Variants in SLC38A2 observed in about 807,000 individuals in gnomAD.
SLC38A2 encodes the protein solute carrier family 38 member 2.
In SLC38A2, 11 loss-of-function variants were observed where a neutral mutation model predicts 61.5. The observed-to-expected ratio is 0.18, with a 90% CI of 0.11 to 0.30. SLC38A2 has a LOEUF of 0.30. Among genes scored for constraint, SLC38A2 ranks in the 10% least tolerant of loss-of-function variants. The pLI, the probability that SLC38A2 is intolerant of heterozygous loss-of-function variation, is 1.00. For missense variants in SLC38A2, 522 were observed against 600.4 expected (o/e 0.87, Z 1.36); for synonymous variants, 217 against 212.5 (o/e 1.02, Z -0.18).
intron 8 of SLC38A2, 89 bp from the exon 9 acceptor site, chr12:46,364,791 C>A: frequency 7.6e-7 from 1 of 1,317,492 alleles, no homozygotes; most frequent in South Asian, 1.3e-5. Flanking sequence ...CTCAATTCTG[C>A]TGGGAAGACT....
Position 46,370,564 on chromosome 12 carries a change from C to T in SLC38A2, c.262G>A (p.Gly88Arg). The T allele has an allele frequency of 6.2e-7, 1 of 1,614,136 alleles. No homozygotes were observed. The highest frequency in any genetic ancestry group is 8.5e-7 in the Non-Finnish European group (1 of 1,180,012). ...FNLSNAIVGS[G>R]ILGLSYAMAN... ...ATGGCATAAGAAAGCCCAAGGATTC[C>T]ACTGCCCACAATCGCATTGCTCAGA... is the stretch of plus-strand genomic sequence containing the variant. Residue 88 changes from glycine (G) to arginine (R), a missense_variant, in exon 4 of 16, where the codon GGA becomes AGA. This residue lies in a region of SLC38A2 where 111 missense variants were observed against 173.4 expected (regional missense o/e 0.64). Transcript: ENST00000256689.
rs529819608 is a variant in SLC38A2 at position 46,370,191 on chromosome 12, T to A, written c.314+321A>T. On this transcript the variant is annotated intron_variant, in intron 4 of 15. Transcript: ENST00000256689. Reference sequence around the variant, plus strand: ...TTCTGATTTGCCAAAACAAAATTTATACCTACCCTGGCTTTAGCCATAGTT... The same window carrying A: ...TTCTGATTTGCCAAAACAAAATTTAAACCTACCCTGGCTTTAGCCATAGTT... Among the ~76,000 whole-genome samples, 750 of 152,354 alleles carry A rather than the reference T, an allele frequency of 4.9e-3. 9 individuals are homozygous for A. The highest frequency in any genetic ancestry group is 0.017 in the African/African-American group (721 of 41,566).
chr12:46,371,631 A>G, intron 1 of SLC38A2: 1 of 287,520 alleles, frequency 3.5e-6, no homozygotes, highest in Non-Finnish European at 6.5e-6. Flanking sequence ...TCAGTATTTC[A>G]CCCTCTCTAT....
rs879887887 is a variant in SLC38A2, at chr12:46,362,352, T to A, written c.1354A>T (p.Ile452Phe). The stretch of plus-strand genomic sequence containing the variant: ...TTGATATAGAAGGCAGAAGGAAGAA[T>A]AAAAATCAACATAGAAGCTGCAGAT... ...GASAASMLIF[I>F]LPSAFYIKLV... Residue 452 changes from isoleucine (I) to phenylalanine (F), a missense_variant, in exon 15 of 16, where the codon ATT becomes TTT. Around this residue, in one of 3 missense-constraint regions of SLC38A2, gnomAD observed 309 missense variants for 343.9 expected, o/e 0.90. Coordinates refer to ENST00000256689, the MANE Select transcript of SLC38A2 (RefSeq NM_018976.5). 6.2e-7 allele frequency: 1 copy of A among 1,612,130 alleles called. No homozygotes were observed. Among genetic ancestry groups the A allele is most frequent in the Non-Finnish European group, 8.5e-7 (1 of 1,179,080 alleles).
In SLC38A2 at chr12:46,358,796, T is replaced by C. The variant is rs944802078; in HGVS notation, c.*2315A>G. On this transcript the variant is annotated 3_prime_UTR_variant, in exon 16 of 16. Transcript: ENST00000256689. ...GCTTTAATGGATTAATGTTGTTCTA[T>C]AAATAACATTACAGTTGTAACTGAA... The C allele has an allele frequency of 2.0e-5, 3 of 152,612 alleles. No individual in the cohort carries two copies. The highest frequency in any genetic ancestry group is 4.8e-5 in the African/African-American group (2 of 41,454). 9.5% of individuals were successfully genotyped at this position (152,612 alleles called of 1,614,324 possible).
chr12:46,363,676 G>A (rs1477185078), intron 12 of SLC38A2, 50 bp downstream of exon 12: 1 of 1,203,044 alleles, frequency 8.3e-7, no homozygotes, highest in African/African-American at 1.5e-5. Context: ...ATTTCAATAA[G>A]CGTTTTTTTT....
Position 46,359,085 on chromosome 12 carries a change from C to G in SLC38A2, c.*2026G>C, listed in dbSNP as rs1366326900. On this transcript the variant is annotated 3_prime_UTR_variant, in exon 16 of 16. Coordinates refer to ENST00000256689, the MANE Select transcript of SLC38A2 (RefSeq NM_018976.5). Reference sequence around the variant, plus strand: ...TCCTGGTTGCCACAGTATCTTCTCCCATACAAAAAAAAAAAAAAAAGTCTG... The same window carrying G: ...TCCTGGTTGCCACAGTATCTTCTCCGATACAAAAAAAAAAAAAAAAGTCTG... 1 of 84,986 alleles carries G rather than the reference C, an allele frequency of 1.2e-5. No individual in the cohort carries two copies. The highest frequency in any genetic ancestry group is 2.1e-5 in the Non-Finnish European group (1 of 47,372). The allele number at this position is 84,986 out of a possible 1,614,324, so 5.3% of individuals were successfully genotyped here.
rs974878288 is a variant in SLC38A2 at position 46,359,148 on chromosome 12, T to C, written c.*1963A>G. The C allele has an allele frequency of 6.6e-6, 1 of 151,926 alleles. No individual in the cohort carries two copies. Among genetic ancestry groups the C allele is most frequent in the African/African-American group, 2.4e-5 (1 of 41,226 alleles). The allele number at this position is 151,926 out of a possible 1,614,324, so 9.4% of individuals were successfully genotyped here. A position where few individuals can be genotyped will look rare whatever the true frequency, so the allele number is the denominator to read the frequency against. On this transcript the variant is annotated 3_prime_UTR_variant, in exon 16 of 16. Transcript: ENST00000256689. ...TTGGTATTCCCTGGCAGGTCTTAGATACAAAGTCAGCAACTCTTTCCAGGA... is the reference window on the plus strand; with the variant it reads ...TTGGTATTCCCTGGCAGGTCTTAGACACAAAGTCAGCAACTCTTTCCAGGA...
Position 46,363,842 on chromosome 12 carries a change from G to GA in SLC38A2, c.954-17dup. On this transcript the variant is annotated splice_polypyrimidine_tract_variant and intron_variant, in intron 11 of 15. Transcript: ENST00000256689. The stretch of plus-strand genomic sequence containing the variant: ...ACGGCTGCGGCTATGTAATTCAAGA[G>GA]AAAATTCAAATATATATTTCAGCAG... 6.3e-7 allele frequency: 1 copy of GA among 1,585,560 alleles called. No homozygotes were observed. Among genetic ancestry groups the GA allele is most frequent in the South Asian group, 1.2e-5 (1 of 86,098 alleles).
Position 46,367,352 on chromosome 12 carries a change from A to C in SLC38A2, c.315-12T>G, listed in dbSNP as rs543595959. On this transcript the variant is annotated splice_polypyrimidine_tract_variant and intron_variant, in intron 4 of 15. Coordinates refer to ENST00000256689, the MANE Select transcript of SLC38A2 (RefSeq NM_018976.5). ...ATGTCAAGAGAATTCTGGTGAGAGA[A>C]GGAAAAGGCATAGGGTTATAAATAA... 19 of 1,392,920 alleles carry C rather than the reference A, an allele frequency of 1.4e-5. 1 individual carries two copies. The African/African-American group carries it at 2.6e-4, about 19-fold the overall frequency. The allele number at this position is 1,392,920 out of a possible 1,614,324, so 86.3% of individuals were successfully genotyped here. A position where few individuals can be genotyped will look rare whatever the true frequency, so the allele number is the denominator to read the frequency against.
Position 46,363,718 on chromosome 12 carries a change from T to C in SLC38A2, c.1054+8A>G, listed in dbSNP as rs1943108425. ...TGTTTTTGTTTTGGTAAAGGAGGCG[T>C]TACTTACCGTAAAATGTTAGGTATC... On this transcript the variant is annotated splice_region_variant and intron_variant, in intron 12 of 15. Coordinates refer to ENST00000256689, the MANE Select transcript of SLC38A2 (RefSeq NM_018976.5). 2.6e-6 allele frequency: 4 copies of C among 1,537,684 alleles called. No homozygotes were observed. The East Asian group carries it at 9.1e-5, about 35-fold the overall frequency.
chr12:46,365,271 T>C (rs764643420), intron 7 of SLC38A2, 82 bp from the exon 8 acceptor site: 5 of 1,136,726 alleles, frequency 4.4e-6, no homozygotes, highest in Non-Finnish European at 6.6e-6. Flanking sequence ...ACTCATTTCA[T>C]AGGAATACCA....
At position 46,358,615 on chromosome 12, in the gene SLC38A2, T is replaced by A. The variant is rs1943047431; in HGVS notation, c.*2496A>T. ...TTTTGGGACAATTCTTATAGTTACA[T>A]AATGTGAATTCATCAAAATGCAGTT... On this transcript the variant is annotated 3_prime_UTR_variant, in exon 16 of 16. Transcript: ENST00000256689. 1 of 152,482 alleles carries A rather than the reference T, an allele frequency of 6.6e-6. No homozygotes were observed. 9.4% of individuals were successfully genotyped at this position (152,482 alleles called of 1,614,324 possible). A position where few individuals can be genotyped will look rare whatever the true frequency, so the allele number is the denominator to read the frequency against.
At position 46,363,227 on chromosome 12, in the gene SLC38A2, A is replaced by G. The variant is rs927779796; in HGVS notation, c.1055-82T>C. 1.8e-5 allele frequency: 26 copies of G among 1,464,382 alleles called. No homozygotes were observed. The African/African-American group carries it at 3.2e-4, about 18-fold the overall frequency. 90.7% of individuals were successfully genotyped at this position (1,464,382 alleles called of 1,614,324 possible). ...AAAATTTAACAGCAAAATGTGCACC[A>G]GTTATTTAGCTACTCACAAAACGAC... is the stretch of plus-strand genomic sequence containing the variant. On this transcript the variant is annotated intron_variant, in intron 12 of 15. Transcript: ENST00000256689.
chr12:46,364,536 C>G lies in SLC38A2; in HGVS notation c.726G>C (p.Gln242His). 3 of 1,604,856 alleles carry G rather than the reference C, an allele frequency of 1.9e-6. No homozygotes were observed. The highest frequency in any genetic ancestry group is 2.5e-6 in the Non-Finnish European group (3 of 1,177,184). Residue 242 changes from glutamine (Q) to histidine (H), a missense_variant, in exon 10 of 16, where the codon CAG becomes CAC. Coordinates refer to ENST00000256689, the MANE Select transcript of SLC38A2 (RefSeq NM_018976.5). ...FLIVVICKKF[Q>H]VPCPVEAALI... The stretch of plus-strand genomic sequence containing the variant: ...AAGCAGCTTCCACAGGACACGGAAC[C>G]TGAAATTTCTTGCAAATGACCTAAA...
chr12:46,371,299 G>C lies in SLC38A2; in HGVS notation c.-6C>G, dbSNP rs770533595. 3 of 1,611,488 alleles carry C rather than the reference G, an allele frequency of 1.9e-6. No individual in the cohort carries two copies. Among genetic ancestry groups the C allele is most frequent in the Non-Finnish European group, 1.7e-6 (2 of 1,177,696 alleles). On this transcript the variant is annotated 5_prime_UTR_variant, in exon 2 of 16. Coordinates refer to ENST00000256689, the MANE Select transcript of SLC38A2 (RefSeq NM_018976.5). Reference sequence around the variant, plus strand: ...CCCATTTCGGCCTTCTTCATGCTAAGCACTGGGAGGAATCGGGTGCAGCTA... The same window carrying C: ...CCCATTTCGGCCTTCTTCATGCTAACCACTGGGAGGAATCGGGTGCAGCTA...
At chr12:46,362,422 C>G (rs544306030) in intron 14 of SLC38A2, 41 bp from the exon 15 acceptor site, 1 of 1,596,040 alleles carries the variant, frequency 6.3e-7, no homozygotes, top group South Asian at 1.1e-5. Context: ...TTCAATGAAC[C>G]ACTCGTCATT....
chr12:46,366,549 T>G (rs1943140163), intron 7 of SLC38A2, among the ~76,000 whole-genome samples: 1 of 152,190 alleles, frequency 6.6e-6, no homozygotes, highest in Admixed American at 6.5e-5. Context: ...AATTCAAAGC[T>G]TCAGTCCTCA....
In SLC38A2 at chr12:46,370,833, T is replaced by C; in HGVS notation, c.141A>G (p.Glu47=). ...TCGATTCAAGTAAAAAGTTCTGGTT[T>C]TCAGGATCTACATCTGCATAATGGC... The part of the protein sequence containing the change: ...LKSHYADVDP[E]NQNFLLESNL... The change falls in exon 3 of 16, where the codon GAA becomes GAG. Residue 47 remains glutamate (E), a synonymous_variant. Transcript: ENST00000256689. The C allele has an allele frequency of 6.2e-7, 1 of 1,612,416 alleles. No individual in the cohort carries two copies. The highest frequency in any genetic ancestry group is 8.5e-7 in the Non-Finnish European group (1 of 1,179,352).
Sources: gnomAD v4.1 joint callset for allele counts (sites outside exome capture counted in the v4.1 genomes callset) on GRCh38, gnomAD v4.1.1 for gene constraint, gnomAD v4.1.1 regional missense constraint, MANE v1.5 for transcripts, NCBI Gene and HGNC (gene_info 2026-07-23, HGNC 2026-07-21) for gene names.